SIM1: variants seen among roughly 807,000 people sequenced by gnomAD.
The protein encoded by SIM1 is SIM bHLH transcription factor 1.
SIM1 carries 18 observed loss-of-function variants against 78.2 expected under a neutral mutation model. That is an observed-to-expected ratio of 0.23 (90% CI 0.16 to 0.34). The LOEUF (loss-of-function observed/expected upper bound fraction) is 0.34, where lower values mean the gene tolerates loss of function less well. SIM1 is among the 10% of genes least tolerant of loss of function. SIM1 has a pLI of 1.00. For synonymous variants in SIM1, 417 were observed against 385.2 expected, an observed-to-expected ratio of 1.08 and a Z score of -0.97; for missense variants, 939 against 975.1, an observed-to-expected ratio of 0.96 and a Z score of 0.49.
intron 10 of SIM1, among the ~76,000 whole-genome samples, chr6:100,408,157 T>G (rs1234907724): frequency 1.3e-5 from 2 of 152,134 alleles, no homozygotes; most frequent in Non-Finnish European, 2.9e-5. Context: ...AATTTCATTC[T>G]TTGTATGTAG....
At chr6:100,398,875 A>C (rs1040544178) in intron 10 of SIM1, among the ~76,000 whole-genome samples, 4 of 152,058 alleles carry the variant, frequency 2.6e-5, no homozygotes, top group African/African-American at 9.7e-5. Context: ...ACCATTTTAC[A>C]TTCCCATTAA....
chr6:100,432,666 T>C (rs556165624), intron 9 of SIM1, among the ~76,000 whole-genome samples: 1 of 152,166 alleles, frequency 6.6e-6, no homozygotes, highest in Non-Finnish European at 1.5e-5. Context: ...ATTGCATAGC[T>C]GCAGGGTTTA....
At chr6:100,433,407 C>T (rs948584352) in intron 9 of SIM1, among the ~76,000 whole-genome samples, 5 of 152,146 alleles carry the variant, frequency 3.3e-5, no homozygotes, top group African/African-American at 4.8e-5. Context: ...GGAATACTCT[C>T]CCTGTAGGAC....
At chr6:100,450,238 C>T (rs770771383) in intron 4 of SIM1, 29 bp downstream of exon 4, 2 of 1,584,314 alleles carry the variant, frequency 1.3e-6, no homozygotes, top group Non-Finnish European at 1.7e-6. Flanking sequence ...GTAAACACTG[C>T]AGGTGGGATA....
rs758731085 is a variant in SIM1 at position 100,390,839 on chromosome 6, T to C, written c.1823A>G (p.Asn608Ser). 1.9e-6 allele frequency: 3 copies of C among 1,614,188 alleles called. No individual in the cohort carries two copies. The highest frequency in any genetic ancestry group is 1.7e-5 in the Admixed American group (1 of 60,028). The change falls in exon 12 of 12, where the codon AAC (asparagine) becomes AGC (serine). Residue 608 changes from asparagine (N) to serine (S), a missense_variant. By Grantham distance (46) the Asn-to-Ser change is conservative (BLOSUM62 1). Transcript: ENST00000369208. ...ACCTGTTGGTGGGGGCTGTTGGTAG[T>C]TTGCAAAACACAGGGAGTGTTTTTT... is the stretch of plus-strand genomic sequence containing the variant. ...AGKKHSLCFANYQQPPPTGEV... is the reference protein window; with the variant it reads ...AGKKHSLCFASYQQPPPTGEV...
At chr6:100,454,391 A>C (rs376054550) in intron 2 of SIM1, among the ~76,000 whole-genome samples, 1 of 152,056 alleles carries the variant, frequency 6.6e-6, no homozygotes, top group Non-Finnish European at 1.5e-5. Context: ...TCGCCTTCGG[A>C]AAAATTAGTT....
intron 9 of SIM1, among the ~76,000 whole-genome samples, chr6:100,432,054 G>A (rs1771916527): frequency 6.6e-6 from 1 of 152,186 alleles, no homozygotes. Flanking sequence ...GCTGAGGCAG[G>A]AAGATTGATT....
intron 9 of SIM1, among the ~76,000 whole-genome samples, chr6:100,431,819 G>A (rs1323495394): frequency 6.6e-6 from 1 of 152,166 alleles, no homozygotes; most frequent in Admixed American, 6.6e-5. Flanking sequence ...CTTAAAATGC[G>A]TTTATTCATA....
chr6:100,412,715 G>A (rs1771269253), intron 10 of SIM1, among the ~76,000 whole-genome samples: 1 of 129,226 alleles, frequency 7.7e-6, no homozygotes, highest in African/African-American at 3.0e-5. Context: ...AAGAAAGAAA[G>A]AAAGAAAGAA....
intron 10 of SIM1, among the ~76,000 whole-genome samples, chr6:100,405,636 T>C (rs1037121864): frequency 6.6e-6 from 1 of 152,178 alleles, no homozygotes; most frequent in African/African-American, 2.4e-5. Flanking sequence ...ACATGTAAAT[T>C]CTCTGATATA....
chr6:100,449,079 A>G (rs1219045279), intron 6 of SIM1, among the ~76,000 whole-genome samples: 3 of 152,244 alleles, frequency 2.0e-5, no homozygotes, highest in Non-Finnish European at 4.4e-5. Context: ...TCGCCCATTC[A>G]GAGGCCTTAC....
chr6:100,448,396 C>T, intron 7 of SIM1, 83 bp downstream of exon 7: 4 of 1,472,634 alleles, frequency 2.7e-6, no homozygotes, highest in Middle Eastern at 2.1e-4. Context: ...AAAATGGGCT[C>T]ATAGGATAGA....
At chr6:100,426,019 G>A (rs1467908605) in intron 9 of SIM1, among the ~76,000 whole-genome samples, 2 of 152,178 alleles carry the variant, frequency 1.3e-5, no homozygotes, top group African/African-American at 4.8e-5. Flanking sequence ...CTTTCTCAAG[G>A]GCAGTTCATG....
chr6:100,430,686 G>A (rs1771878210), intron 9 of SIM1, among the ~76,000 whole-genome samples: 1 of 151,760 alleles, frequency 6.6e-6, no homozygotes, highest in African/African-American at 2.4e-5. Context: ...TCAAGTGTAT[G>A]TTCCCTTTAA....
chr6:100,432,383 C>A (rs1771927122), intron 9 of SIM1, among the ~76,000 whole-genome samples: 1 of 152,120 alleles, frequency 6.6e-6, no homozygotes, highest in African/African-American at 2.4e-5. Flanking sequence ...GCTGATGCTA[C>A]AATCAGGGGC....
At chr6:100,404,192 C>T (rs761186570) in intron 10 of SIM1, among the ~76,000 whole-genome samples, 16 of 152,174 alleles carry the variant, frequency 1.1e-4, no homozygotes, top group Admixed American at 5.2e-4. Flanking sequence ...CTTTTGATTA[C>T]GGTCGTTAAG....
At chr6:100,405,637 C>T (rs897286928) in intron 10 of SIM1, among the ~76,000 whole-genome samples, 3 of 152,012 alleles carry the variant, frequency 2.0e-5, no homozygotes, top group African/African-American at 4.8e-5. Context: ...CATGTAAATT[C>T]TCTGATATAT....
Position 100,463,323 on chromosome 6 carries a change from T to C in SIM1, c.146A>G (p.Tyr49Cys), listed in dbSNP as rs1772902895. The C allele has an allele frequency of 1.9e-6, 3 of 1,612,938 alleles. No homozygotes were observed. The highest frequency in any genetic ancestry group is 1.1e-5 in the South Asian group (1 of 91,034). The change falls in exon 2 of 12, where the codon TAT (tyrosine) becomes TGT (cysteine). Residue 49 changes from tyrosine to cysteine, a missense_variant. Tyr to Cys is a radical substitution (Grantham distance 194, BLOSUM62 -2). This residue lies in a region of SIM1 where 121 missense variants were observed against 124.6 expected (regional missense o/e 0.97). Coordinates refer to ENST00000369208, the MANE Select transcript of SIM1 (RefSeq NM_005068.3). ...KASIIRLTTS[Y>C]LKMRVVFPEG... Reference sequence around the variant, plus strand: ...TGGGAACACCACTCTCATTTTGAGATAGCTGGTCGTGAGTCTGATTATGGA... The same window carrying C: ...TGGGAACACCACTCTCATTTTGAGACAGCTGGTCGTGAGTCTGATTATGGA...
chr6:100,397,756 A>G (rs976020650), intron 10 of SIM1, among the ~76,000 whole-genome samples: 1 of 152,146 alleles, frequency 6.6e-6, no homozygotes, highest in Non-Finnish European at 1.5e-5. Flanking sequence ...GGAAGGGATA[A>G]AGCATTTACA....
Sources: gnomAD v4.1 joint callset for allele counts (sites outside exome capture counted in the v4.1 genomes callset) on GRCh38, gnomAD v4.1.1 for gene constraint, gnomAD v4.1.1 regional missense constraint, MANE v1.5 for transcripts, NCBI Gene and HGNC (gene_info 2026-07-23, HGNC 2026-07-21) for gene names.